Variants in RBFOX1 observed in about 807,000 individuals in gnomAD.
RBFOX1 encodes RNA binding fox-1 homolog 1, also known as RNA binding protein fox-1 homolog 1.
RBFOX1 carries 8 observed loss-of-function variants against 57.7 expected under a neutral mutation model. The observed-to-expected ratio is 0.14, with a 90% confidence interval of 0.08 to 0.25. RBFOX1 has a LOEUF of 0.25. Among genes scored for constraint, RBFOX1 ranks in the 10% least tolerant of loss-of-function variants. The pLI is 1.00. For missense variants in RBFOX1, 611 were observed against 548.5 expected, an observed-to-expected ratio of 1.11 and a Z score of -1.14; for synonymous variants, 326 against 222.4, an observed-to-expected ratio of 1.47 and a Z score of -4.15.
chr16:6,459,981 T>A (rs2094874914), intron 2 of RBFOX1, among the ~76,000 whole-genome samples: 1 of 25,184 alleles, frequency 4.0e-5, no homozygotes. Context: ...TGAAACTCCA[T>A]CTCAAAAAAA....
chr16:5,623,718 G>A (rs1045672330), intron 3 of RBFOX1, among the ~76,000 whole-genome samples: 3 of 151,354 alleles, frequency 2.0e-5, no homozygotes, highest in African/African-American at 7.3e-5. Flanking sequence ...TGTTTTCTTT[G>A]TCCTTCCCTC....
chr16:5,316,410 C>G (rs1596495630), intron 1 of RBFOX1, among the ~76,000 whole-genome samples: 1 of 152,174 alleles, frequency 6.6e-6, no homozygotes, highest in Non-Finnish European at 1.5e-5. Flanking sequence ...TGGGCAGTCT[C>G]CAGTGAATAG....
At chr16:7,485,808 C>T (rs2065215648) in intron 4 of RBFOX1, among the ~76,000 whole-genome samples, 1 of 152,150 alleles carries the variant, frequency 6.6e-6, no homozygotes, top group Non-Finnish European at 1.5e-5. Context: ...CTCTCCGAGT[C>T]CACTTGGCAT....
chr16:7,332,348 G>A (rs1315162687), intron 4 of RBFOX1, among the ~76,000 whole-genome samples: 1 of 152,164 alleles, frequency 6.6e-6, no homozygotes, highest in African/African-American at 2.4e-5. Flanking sequence ...AGCACACATT[G>A]TGCAAATACA....
At chr16:5,863,261 G>C (rs2057268395) in intron 3 of RBFOX1, among the ~76,000 whole-genome samples, 1 of 152,176 alleles carries the variant, frequency 6.6e-6, no homozygotes, top group African/African-American at 2.4e-5. Flanking sequence ...TAAAGGGATG[G>C]GAAATAGCTG....
intron 4 of RBFOX1, among the ~76,000 whole-genome samples, chr16:7,072,784 C>G (rs958214572): frequency 6.6e-6 from 1 of 152,168 alleles, no homozygotes; most frequent in African/African-American, 2.4e-5. Flanking sequence ...TTCAGAGAAT[C>G]GGAGACATGT....
intron 3 of RBFOX1, among the ~76,000 whole-genome samples, chr16:5,738,635 GA>G (rs61011633): frequency 1.9e-3 from 119 of 61,190 alleles, no homozygotes; most frequent in African/African-American, 2.9e-3. Flanking sequence ...CTCTGTCTCA[GA>G]AAAAAAAAAA....
At chr16:7,308,345 G>C (rs886439530) in intron 4 of RBFOX1, among the ~76,000 whole-genome samples, 1 of 145,818 alleles carries the variant, frequency 6.9e-6, no homozygotes, top group Non-Finnish European at 1.5e-5. Context: ...AGGATCAGTA[G>C]CATATTAACT....
intron 5 of RBFOX1, among the ~76,000 whole-genome samples, chr16:7,524,135 G>A (rs1009294602): frequency 1.3e-5 from 2 of 152,190 alleles, no homozygotes; most frequent in African/African-American, 4.8e-5. Context: ...GGACATCGTA[G>A]AGGCCATTAT....
At chr16:5,916,765 C>T (rs955369107) in intron 4 of RBFOX1, among the ~76,000 whole-genome samples, 2 of 152,094 alleles carry the variant, frequency 1.3e-5, no homozygotes, top group Non-Finnish European at 2.9e-5. Context: ...CACTGGGCTG[C>T]CGTTTTATTA....
chr16:7,544,650 A>C (rs1395583), intron 5 of RBFOX1, among the ~76,000 whole-genome samples: 11 of 151,992 alleles, frequency 7.2e-5, no homozygotes, highest in Non-Finnish European at 1.6e-4. Flanking sequence ...AGCATGGTTT[A>C]GGCAACACCT....
intron 4 of RBFOX1, among the ~76,000 whole-genome samples, chr16:7,195,354 T>C (rs2086438664): frequency 6.6e-6 from 1 of 152,178 alleles, no homozygotes; most frequent in African/African-American, 2.4e-5. Context: ...GTTTCACCAA[T>C]GACCTGGTGT....
intron 4 of RBFOX1, among the ~76,000 whole-genome samples, chr16:5,948,726 C>A (rs2059455658): frequency 6.6e-6 from 1 of 152,248 alleles, no homozygotes; most frequent in African/African-American, 2.4e-5. Context: ...TGGAACCAAC[C>A]CTACCAGTGC....
At chr16:7,609,143 G>C (rs2056927962) in intron 10 of RBFOX1, among the ~76,000 whole-genome samples, 1 of 152,208 alleles carries the variant, frequency 6.6e-6, no homozygotes, top group Non-Finnish European at 1.5e-5. Flanking sequence ...GGAGTAGTTA[G>C]ACTAAAGAAA....
chr16:5,988,615 C>T (rs911875081), intron 4 of RBFOX1, among the ~76,000 whole-genome samples: 5 of 152,094 alleles, frequency 3.3e-5, no homozygotes, highest in Admixed American at 1.3e-4. Flanking sequence ...TGCCGTGACA[C>T]GGACAGCCTC....
At chr16:7,448,616 C>A (rs114621817) in intron 4 of RBFOX1, among the ~76,000 whole-genome samples, 1 of 152,134 alleles carries the variant, frequency 6.6e-6, no homozygotes, top group African/African-American at 2.4e-5. Flanking sequence ...CAATTTAAGA[C>A]GAGATTTGGC....
At chr16:6,638,408 T>C (rs2098461638) in intron 2 of RBFOX1, among the ~76,000 whole-genome samples, 1 of 152,150 alleles carries the variant, frequency 6.6e-6, no homozygotes, top group Non-Finnish European at 1.5e-5. Context: ...TAAGTAGTTA[T>C]TTCTCAGGTG....
At chr16:7,599,651 CT>C (rs869042112) in intron 9 of RBFOX1, among the ~76,000 whole-genome samples, 4 of 67,224 alleles carry the variant, frequency 6.0e-5, no homozygotes, top group East Asian at 3.5e-4. Flanking sequence ...TTTTTTTTTT[CT>C]TTTTTTTTTT....
At chr16:5,505,613 A>G (rs1431496325) in intron 2 of RBFOX1, among the ~76,000 whole-genome samples, 1 of 152,128 alleles carries the variant, frequency 6.6e-6, no homozygotes, top group African/African-American at 2.4e-5. Context: ...ACTGTGCTGA[A>G]TACTGTCTTC....
Sources: gnomAD v4.1 joint callset for allele counts (sites outside exome capture counted in the v4.1 genomes callset) on GRCh38, gnomAD v4.1.1 for gene constraint, MANE v1.5 for transcripts, NCBI Gene and HGNC (gene_info 2026-07-23, HGNC 2026-07-21) for gene names.